TAFA4: variants seen among roughly 807,000 people sequenced by gnomAD.
TAFA4 encodes TAFA chemokine like family member 4.
A neutral mutation model predicts 21.1 loss-of-function variants in TAFA4; 20 were observed. The observed-to-expected ratio is 0.95, with a 90% confidence interval of 0.67 to 1.38. The LOEUF (loss-of-function observed/expected upper bound fraction) is 1.38, where lower values mean the gene tolerates loss of function less well. Ranked by LOEUF, TAFA4 falls within the 40% of genes most tolerant of loss-of-function variation. The pLI, the probability that TAFA4 is intolerant of heterozygous loss-of-function variation, is 0.00. For synonymous variants in TAFA4, 71 were observed against 67.4 expected (o/e 1.05, Z -0.26); for missense variants, 211 against 180.9 (o/e 1.17, Z -0.95).
At chr3:68,829,052 A>G (rs1290536748) in intron 3 of TAFA4, among the ~76,000 whole-genome samples, 2 of 152,160 alleles carry the variant, frequency 1.3e-5, no homozygotes, top group African/African-American at 4.8e-5. Flanking sequence ...AAACTACTTT[A>G]AAGTTCATAT....
intron 3 of TAFA4, among the ~76,000 whole-genome samples, chr3:68,848,957 G>A (rs938266930): frequency 1.9e-4 from 29 of 151,746 alleles, no homozygotes; most frequent in South Asian, 4.2e-4. Context: ...TGTACCTAGC[G>A]AGAAAAATAA....
chr3:68,907,195 T>C (rs1413648545), intron 1 of TAFA4, among the ~76,000 whole-genome samples: 3 of 152,080 alleles, frequency 2.0e-5, no homozygotes, highest in Non-Finnish European at 4.4e-5. Flanking sequence ...GGAGAGAAGA[T>C]TTGGAGAAAT....
intron 3 of TAFA4, among the ~76,000 whole-genome samples, chr3:68,874,821 C>T (rs2089527597): frequency 6.6e-6 from 1 of 151,970 alleles, no homozygotes; most frequent in African/African-American, 2.4e-5. Flanking sequence ...GGATGTAAAG[C>T]ATGCTCATTT....
At chr3:68,926,379 A>C (rs1249036814) in intron 1 of TAFA4, among the ~76,000 whole-genome samples, 1 of 152,114 alleles carries the variant, frequency 6.6e-6, no homozygotes, top group Non-Finnish European at 1.5e-5. Context: ...ATTTTTCTGC[A>C]ATGTTTGAAT....
intron 2 of TAFA4, among the ~76,000 whole-genome samples, chr3:68,881,582 A>G (rs1217096312): frequency 6.6e-6 from 1 of 152,224 alleles, no homozygotes; most frequent in Admixed American, 6.5e-5. Context: ...GAACTCGATT[A>G]ACTTTTTTTG....
chr3:68,863,418 T>C (rs2089376522), intron 3 of TAFA4, among the ~76,000 whole-genome samples: 1 of 152,128 alleles, frequency 6.6e-6, no homozygotes, highest in Admixed American at 6.6e-5. Flanking sequence ...CAACACATGC[T>C]TGGAAAATGA....
At chr3:68,797,455 T>C (rs1703474580) in intron 3 of TAFA4, among the ~76,000 whole-genome samples, 1 of 151,356 alleles carries the variant, frequency 6.6e-6, no homozygotes, top group African/African-American at 2.4e-5. Context: ...CAACTAAAAA[T>C]ACAAAAAATT....
At chr3:68,845,434 C>T (rs940632800) in intron 3 of TAFA4, among the ~76,000 whole-genome samples, 1 of 152,074 alleles carries the variant, frequency 6.6e-6, no homozygotes. Context: ...GATGGGTCTC[C>T]TGAATACAGC....
intron 1 of TAFA4, among the ~76,000 whole-genome samples, chr3:68,892,764 T>TAGGA (rs1383405881): frequency 6.6e-6 from 1 of 152,220 alleles, no homozygotes; most frequent in Non-Finnish European, 1.5e-5. Context: ...CTAATGGATA[T>TAGGA]ATGGTCAAAC....
At chr3:68,806,911 T>C (rs1054309285) in intron 3 of TAFA4, among the ~76,000 whole-genome samples, 1 of 152,146 alleles carries the variant, frequency 6.6e-6, no homozygotes, top group African/African-American at 2.4e-5. Flanking sequence ...TGGTATTCTG[T>C]TACAGCATCC....
At chr3:68,775,470 C>A (rs1482386112) in intron 3 of TAFA4, among the ~76,000 whole-genome samples, 1 of 152,096 alleles carries the variant, frequency 6.6e-6, no homozygotes, top group Non-Finnish European at 1.5e-5. Context: ...GAAAGCCCCA[C>A]CCTTGGAAGC....
At chr3:68,854,903 C>T (rs866977599) in intron 3 of TAFA4, among the ~76,000 whole-genome samples, 3 of 152,072 alleles carry the variant, frequency 2.0e-5, no homozygotes, top group African/African-American at 7.2e-5. Context: ...AACTTCCCAA[C>T]ACAAAGCCTC....
intron 3 of TAFA4, among the ~76,000 whole-genome samples, chr3:68,774,460 C>A (rs1703015548): frequency 6.6e-6 from 1 of 152,160 alleles, no homozygotes; most frequent in South Asian, 2.1e-4. Flanking sequence ...ACTCTCTAGT[C>A]TCAAGCAACA....
chr3:68,779,264 A>G (rs568937953), intron 3 of TAFA4, among the ~76,000 whole-genome samples: 1 of 152,344 alleles, frequency 6.6e-6, no homozygotes, highest in East Asian at 1.9e-4. Flanking sequence ...GGGAAACAGC[A>G]TAAACGTTTG....
At chr3:68,735,131 C>G (rs571076984) in intron 5 of TAFA4, among the ~76,000 whole-genome samples, 4 of 151,676 alleles carry the variant, frequency 2.6e-5, no homozygotes, top group Non-Finnish European at 5.9e-5. Context: ...TCAGGGAAGA[C>G]AAAACTTGAG....
At chr3:68,799,396 G>A (rs1035153102) in intron 3 of TAFA4, among the ~76,000 whole-genome samples, 4 of 152,010 alleles carry the variant, frequency 2.6e-5, no homozygotes, top group Non-Finnish European at 5.9e-5. Flanking sequence ...CACTGATGAG[G>A]CCCCTGCCCT....
chr3:68,824,438 T>G (rs1207833591), intron 3 of TAFA4, among the ~76,000 whole-genome samples: 1 of 145,780 alleles, frequency 6.9e-6, no homozygotes, highest in East Asian at 2.4e-4. Flanking sequence ...CGACCTCCGT[T>G]TCCATCATCA....
chr3:68,810,267 T>G (rs1014263115), intron 3 of TAFA4, among the ~76,000 whole-genome samples: 2 of 152,146 alleles, frequency 1.3e-5, no homozygotes, highest in Non-Finnish European at 2.9e-5. Context: ...ATGGGTGATT[T>G]CTGCATTTCC....
intron 3 of TAFA4, among the ~76,000 whole-genome samples, chr3:68,758,981 A>G (rs946037788): frequency 2.0e-5 from 3 of 152,248 alleles, no homozygotes; most frequent in African/African-American, 7.2e-5. Context: ...GGGACTCAGG[A>G]GAGCCATTTG....
Sources: allele counts gnomAD v4.1 joint callset (sites outside exome capture counted in the v4.1 genomes callset), GRCh38; gene constraint gnomAD v4.1.1; transcripts MANE v1.5; gene names NCBI Gene and HGNC (gene_info 2026-07-23, HGNC 2026-07-21).